WHRN: variants seen among roughly 807,000 people sequenced by gnomAD.
WHRN encodes the protein CASK-interacting protein CIP98.
Under a neutral mutation model 68.3 loss-of-function variants are expected in WHRN, and 41 were observed. The ratio of observed to expected loss-of-function variants is 0.60; its 90% CI spans 0.47 to 0.78. The LOEUF (loss-of-function observed/expected upper bound fraction) is 0.78, where lower values mean the gene tolerates loss of function less well. Among genes scored for constraint, WHRN ranks in the 30% least tolerant of loss-of-function variants. The pLI is 0.00. For synonymous variants in WHRN, 560 were observed against 561.3 expected, an observed-to-expected ratio of 1.00 and a Z score of 0.03; for missense variants, 1,243 against 1,244.7, an observed-to-expected ratio of 1.00 and a Z score of 0.02.
chr9:114,412,821 C>T (rs1034551586), intron 7 of WHRN, among the ~76,000 whole-genome samples: 1 of 152,210 alleles, frequency 6.6e-6, no homozygotes, highest in African/African-American at 2.4e-5. Context: ...TAAGGCTCCC[C>T]TGCATGATGT....
At chr9:114,426,131 G>A in intron 4 of WHRN, 80 bp downstream of exon 4, 1 of 1,586,332 alleles carries the variant, frequency 6.3e-7, no homozygotes, top group African/African-American at 1.3e-5. Flanking sequence ...CCAGGGCGGT[G>A]GAGGGATGGG....
chr9:114,415,757 T>A (rs577055450), intron 7 of WHRN, among the ~76,000 whole-genome samples: 1 of 151,818 alleles, frequency 6.6e-6, no homozygotes, highest in South Asian at 2.1e-4. Context: ...GAAGAAGGAG[T>A]GGCTGAACGC....
intron 1 of WHRN, among the ~76,000 whole-genome samples, chr9:114,482,809 G>A (rs894669345): frequency 2.0e-5 from 3 of 152,190 alleles, no homozygotes; most frequent in Non-Finnish European, 2.9e-5. Flanking sequence ...CCTTGCGAAC[G>A]GAGAGGTTAA....
chr9:114,424,530 C>G lies in WHRN; in HGVS notation c.1220G>C (p.Gly407Ala). ...CAGGGTCACCTGGGAGCCGGCTGGG[C>G]CCTTGTAAAATCCTGGCTGCAAGAC... The part of the protein sequence containing the change: ...EGINKPGFYK[G>A]PAGSQVTLSS... The change falls in exon 6 of 12, where the codon GGC (glycine) becomes GCC (alanine). Residue 407 changes from glycine (G) to alanine (A), a missense_variant. Coordinates refer to ENST00000362057, the MANE Select transcript of WHRN (RefSeq NM_015404.4). The G allele has an allele frequency of 1.2e-6, 2 of 1,612,614 alleles. No homozygotes were observed. The highest frequency in any genetic ancestry group is 1.7e-6 in the Non-Finnish European group (2 of 1,179,370).
intron 1 of WHRN, among the ~76,000 whole-genome samples, chr9:114,483,696 G>A (rs572050839): frequency 7.9e-5 from 12 of 152,252 alleles, no homozygotes; most frequent in Non-Finnish European, 1.3e-4. Flanking sequence ...TCCCTGTTGT[G>A]CCATTAGCTT....
chr9:114,482,232 T>G (rs1842147973), intron 1 of WHRN, among the ~76,000 whole-genome samples: 1 of 152,210 alleles, frequency 6.6e-6, no homozygotes, highest in South Asian at 2.1e-4. Flanking sequence ...CAGTAGGTCC[T>G]GAAAAAAGAC....
intron 2 of WHRN, among the ~76,000 whole-genome samples, chr9:114,476,324 C>T (rs1390757406): frequency 4.6e-5 from 7 of 152,008 alleles, no homozygotes; most frequent in Admixed American, 4.6e-4. Context: ...AACCCCCACC[C>T]TCCCATCTGC....
intron 3 of WHRN, among the ~76,000 whole-genome samples, chr9:114,442,973 G>C (rs1306476527): frequency 6.6e-6 from 1 of 152,176 alleles, no homozygotes; most frequent in Non-Finnish European, 1.5e-5. Context: ...AAAACTTCTA[G>C]GTCCAGTCCT....
chr9:114,463,163 CT>C (rs1191063006), intron 3 of WHRN, among the ~76,000 whole-genome samples: 2 of 152,258 alleles, frequency 1.3e-5, no homozygotes, highest in Non-Finnish European at 1.5e-5. Flanking sequence ...AATAACTAGG[CT>C]TTTCAAACAC....
At chr9:114,504,160 A>C in intron 1 of WHRN, 24 bp downstream of exon 1, 1 of 1,613,116 alleles carries the variant, frequency 6.2e-7, no homozygotes, top group Non-Finnish European at 8.5e-7. Context: ...TCTGCCCCAG[A>C]CTCTCTCCAA....
rs1840373541 is a variant in WHRN at position 114,463,020 on chromosome 9, A to G, written c.963+3247T>C. Among the ~76,000 whole-genome samples the G allele has an allele frequency of 2.0e-5, 3 of 152,192 alleles. No homozygotes were observed. The South Asian group carries it at 6.2e-4, about 31-fold the overall frequency. On this transcript the variant is annotated intron_variant, in intron 3 of 11. Transcript: ENST00000362057. ...CTCCCTTTCTCTTAATGTGGATTTA[A>G]TCAGAGGGTACTCACCACCAACAAC...
intron 1 of WHRN, among the ~76,000 whole-genome samples, chr9:114,494,947 A>G (rs1268134407): frequency 1.3e-5 from 2 of 152,122 alleles, no homozygotes; most frequent in African/African-American, 4.8e-5. Flanking sequence ...AGCGGGTTTC[A>G]GGAGGGAAGA....
rs1377355025 is a variant in WHRN at position 114,504,050 on chromosome 9, A to C, written c.618+134T>G. ...TCTGTAAGCTATACATTCCTGTTTT[A>C]AAGTATTAAAAAAAAAAAAAAAGCC... is the stretch of plus-strand genomic sequence containing the variant. On this transcript the variant is annotated intron_variant, in intron 1 of 11. Coordinates refer to ENST00000362057, the MANE Select transcript of WHRN (RefSeq NM_015404.4). 1.5e-5 allele frequency: 19 copies of C among 1,253,102 alleles called. No homozygotes were observed. In the East Asian group the frequency reaches 4.5e-4, roughly 30 times the overall value. The allele number at this position is 1,253,102 out of a possible 1,614,324, so 77.6% of individuals were successfully genotyped here. A position where few individuals can be genotyped will look rare whatever the true frequency, so the allele number is the denominator to read the frequency against.
In WHRN at chr9:114,404,470, G is replaced by A. The variant is rs530107449; in HGVS notation, c.2237-393C>T. Among the ~76,000 whole-genome samples, 21 of 152,342 alleles carry A rather than the reference G, an allele frequency of 1.4e-4. No individual in the cohort carries two copies. The East Asian group carries it at 3.9e-3, about 28-fold the overall frequency. On this transcript the variant is annotated intron_variant, in intron 9 of 11. Coordinates refer to ENST00000362057, the MANE Select transcript of WHRN (RefSeq NM_015404.4). ...ATGAACCAACACATTCAAATTAGAA[G>A]ATTTCATATAAGTAATTTCTAGTTT...
At chr9:114,457,030 A>T (rs1377400746) in intron 3 of WHRN, among the ~76,000 whole-genome samples, 1 of 152,180 alleles carries the variant, frequency 6.6e-6, no homozygotes, top group Non-Finnish European at 1.5e-5. Context: ...CAAAAGAAAA[A>T]AATACTGTGT....
intron 3 of WHRN, among the ~76,000 whole-genome samples, chr9:114,439,338 C>T (rs964546604): frequency 6.6e-6 from 1 of 152,164 alleles, no homozygotes; most frequent in African/African-American, 2.4e-5. Context: ...ATAACTAACC[C>T]AAGTAACAGA....
intron 1 of WHRN, among the ~76,000 whole-genome samples, chr9:114,485,310 C>T (rs1285231781): frequency 1.3e-5 from 2 of 152,242 alleles, no homozygotes; most frequent in Non-Finnish European, 1.5e-5. Flanking sequence ...TTCAGACACA[C>T]CGGACAATGG....
At chr9:114,473,859 G>A (rs1174966605) in intron 2 of WHRN, among the ~76,000 whole-genome samples, 1 of 152,212 alleles carries the variant, frequency 6.6e-6, no homozygotes, top group Non-Finnish European at 1.5e-5. Flanking sequence ...CTCAAGAACA[G>A]GTGATCAGTC....
intron 3 of WHRN, among the ~76,000 whole-genome samples, chr9:114,447,663 T>A (rs922621339): frequency 1.3e-5 from 2 of 152,188 alleles, no homozygotes; most frequent in Non-Finnish European, 2.9e-5. Flanking sequence ...ACTCATGCAG[T>A]ATTAAGAGAT....
Sources: gnomAD v4.1 joint callset for allele counts (sites outside exome capture counted in the v4.1 genomes callset) on GRCh38, gnomAD v4.1.1 for gene constraint, MANE v1.5 for transcripts, NCBI Gene and HGNC (gene_info 2026-07-23, HGNC 2026-07-21) for gene names.